The following SV2C variants were observed in gnomAD, a reference collection of about 807,000 sequenced individuals.
The protein encoded by SV2C is solute carrier family 22 member B3.
Under a neutral mutation model 79.7 loss-of-function variants are expected in SV2C, and 49 were observed. That is an observed-to-expected ratio of 0.61 (90% CI 0.49 to 0.78). SV2C has a LOEUF of 0.78. Ranked by LOEUF, SV2C falls within the 30% of genes least tolerant of loss-of-function variation. The pLI, the probability that SV2C is intolerant of heterozygous loss-of-function variation, is 0.00. For missense variants in SV2C, 833 were observed against 912.9 expected (o/e 0.91, Z 1.13); for synonymous variants, 334 against 333.2 (o/e 1.00, Z -0.03).
chr5:76,030,272 T>TA, the SV2C span, among the ~76,000 whole-genome samples: 1 of 106,678 alleles, frequency 9.4e-6, no homozygotes, highest in African/African-American at 4.4e-5. Context: ...GCTTGTTTTT[T>TA]TTTTTTTTTT....
At chr5:76,306,878 A>C (rs2937746) in intron 12 of SV2C, among the ~76,000 whole-genome samples, 15,038 of 152,230 alleles carry the variant, frequency 0.099, 779 homozygotes, top group Admixed American at 0.14. Context: ...TTCAGAGAAG[A>C]CAATATTTAA....
intron 2 of SV2C, among the ~76,000 whole-genome samples, chr5:76,144,261 G>A (rs991246189): frequency 2.5e-5 from 3 of 119,026 alleles, no homozygotes; most frequent in Non-Finnish European, 6.5e-5. Flanking sequence ...TGTAAAGACC[G>A]AGCCTGGAAA....
the SV2C span, among the ~76,000 whole-genome samples, chr5:75,913,850 G>A: frequency 6.6e-6 from 1 of 152,090 alleles, no homozygotes; most frequent in African/African-American, 2.4e-5. Flanking sequence ...TACAAGTGAG[G>A]CTAAGCTATA....
At chr5:76,262,558 G>A (rs909543439) in intron 4 of SV2C, among the ~76,000 whole-genome samples, 8 of 152,170 alleles carry the variant, frequency 5.3e-5, no homozygotes, top group Non-Finnish European at 1.2e-4. Context: ...GCTTTCTGAT[G>A]TGGGCATTTA....
chr5:76,351,360 A>C (rs955983251), intron 12 of SV2C, among the ~76,000 whole-genome samples: 4 of 151,994 alleles, frequency 2.6e-5, no homozygotes, highest in South Asian at 4.1e-4. Flanking sequence ...AAGTGAGAGG[A>C]TAGCTTGAGC....
At chr5:76,073,528 T>TGGA in the SV2C span, among the ~76,000 whole-genome samples, 17 of 125,342 alleles carry the variant, frequency 1.4e-4, no homozygotes, top group African/African-American at 5.7e-4. Flanking sequence ...TATATATATA[T>TGGA]ATATATATAT....
the SV2C span, among the ~76,000 whole-genome samples, chr5:76,002,860 T>G: frequency 8.4e-6 from 1 of 118,610 alleles, no homozygotes; most frequent in Non-Finnish European, 2.0e-5. Flanking sequence ...ATTACTTCTG[T>G]GCGTGTGTTT....
the SV2C span, among the ~76,000 whole-genome samples, chr5:76,076,456 T>G: frequency 6.6e-6 from 1 of 152,248 alleles, no homozygotes; most frequent in Non-Finnish European, 1.5e-5. Context: ...TGAAGTTTCT[T>G]TTGTTATATC....
At chr5:76,222,036 A>G (rs1745080251) in intron 4 of SV2C, among the ~76,000 whole-genome samples, 1 of 152,226 alleles carries the variant, frequency 6.6e-6, no homozygotes, top group Admixed American at 6.5e-5. Flanking sequence ...AAATGCTGGA[A>G]AGGATACAGA....
chr5:76,275,494 A>AC (rs1355132482), intron 4 of SV2C, among the ~76,000 whole-genome samples: 3 of 151,978 alleles, frequency 2.0e-5, no homozygotes, highest in Non-Finnish European at 4.4e-5. Flanking sequence ...CTCAAAAAAA[A>AC]AAAAAACGAA....
At chr5:76,265,617 A>G (rs1746627674) in intron 4 of SV2C, among the ~76,000 whole-genome samples, 1 of 152,214 alleles carries the variant, frequency 6.6e-6, no homozygotes. Flanking sequence ...AGGCATACGA[A>G]GGAATCCCCT....
intron 2 of SV2C, among the ~76,000 whole-genome samples, chr5:76,167,477 G>A (rs1743079162): frequency 6.6e-6 from 1 of 152,182 alleles, no homozygotes; most frequent in African/African-American, 2.4e-5. Flanking sequence ...GCTAGCAGTG[G>A]ACAGCATTAG....
At chr5:76,012,197 A>G in the SV2C span, among the ~76,000 whole-genome samples, 1 of 152,172 alleles carries the variant, frequency 6.6e-6, no homozygotes, top group African/African-American at 2.4e-5. Context: ...GTCTTCCACA[A>G]TGGTTGAACT....
the SV2C span, among the ~76,000 whole-genome samples, chr5:76,057,412 T>C: frequency 6.7e-6 from 1 of 150,294 alleles, no homozygotes; most frequent in South Asian, 2.1e-4. Flanking sequence ...CGGTGTGTGA[T>C]GTTCCCCTTC....
At chr5:76,139,465 G>C (rs1749180202) in intron 2 of SV2C, among the ~76,000 whole-genome samples, 1 of 152,188 alleles carries the variant, frequency 6.6e-6, no homozygotes, top group Admixed American at 6.5e-5. Flanking sequence ...GTTTTCTTGG[G>C]AGTCCTGTTT....
the SV2C span, among the ~76,000 whole-genome samples, chr5:76,061,728 G>C: frequency 1.3e-5 from 2 of 152,068 alleles, no homozygotes; most frequent in African/African-American, 4.8e-5. Flanking sequence ...TTGAAGCCCT[G>C]TCACATGCAG....
the SV2C span, among the ~76,000 whole-genome samples, chr5:76,052,457 C>A: frequency 6.6e-6 from 1 of 152,194 alleles, no homozygotes; most frequent in East Asian, 1.9e-4. Context: ...TGGCTGACTT[C>A]TATGGAATGA....
chr5:76,285,767 C>T lies in SV2C; in HGVS notation c.1048-14C>T. On this transcript the variant is annotated splice_polypyrimidine_tract_variant and intron_variant, in intron 5 of 12. Transcript: ENST00000502798. Reference sequence around the variant, plus strand: ...GTCACTCCTAGCGCTTCACTGTCCACTCTCATTTCTTAGGTTGGAAAACAT... The same window carrying T: ...GTCACTCCTAGCGCTTCACTGTCCATTCTCATTTCTTAGGTTGGAAAACAT... 6.2e-7 allele frequency: 1 copy of T among 1,611,922 alleles called. No individual in the cohort carries two copies. The highest frequency in any genetic ancestry group is 8.5e-7 in the Non-Finnish European group (1 of 1,178,560).
At chr5:75,967,508 C>A in the SV2C span, among the ~76,000 whole-genome samples, 2 of 152,198 alleles carry the variant, frequency 1.3e-5, no homozygotes, top group Non-Finnish European at 2.9e-5. Context: ...TAACAAATGG[C>A]ACACCAGGAG....
Sources: allele counts gnomAD v4.1 joint callset (sites outside exome capture counted in the v4.1 genomes callset), GRCh38; gene constraint gnomAD v4.1.1; transcripts MANE v1.5; gene names NCBI Gene and HGNC (gene_info 2026-07-23, HGNC 2026-07-21).